TNKS: variants seen among roughly 807,000 people sequenced by gnomAD.
TNKS encodes poly [ADP-ribose] polymerase tankyrase-1.
TNKS carries 72 observed loss-of-function variants against 135.8 expected under a neutral mutation model. That is an observed-to-expected ratio of 0.53 (90% CI 0.44 to 0.64). The LOEUF (loss-of-function observed/expected upper bound fraction) is 0.64. Among genes scored for constraint, TNKS ranks in the 30% least tolerant of loss-of-function variants. TNKS has a pLI of 0.00. For synonymous variants in TNKS, 849 were observed against 649.3 expected, an observed-to-expected ratio of 1.31 and a Z score of -4.68; for missense variants, 1,769 against 1,674.0, an observed-to-expected ratio of 1.06 and a Z score of -0.99.
chr8:9,652,904 C>G (rs1801197912), intron 3 of TNKS, among the ~76,000 whole-genome samples: 1 of 152,082 alleles, frequency 6.6e-6, no homozygotes, highest in Admixed American at 6.6e-5. Flanking sequence ...ATGATTTGGT[C>G]AAACTTACAT....
chr8:9,721,522 A>G (rs28469680), intron 12 of TNKS, among the ~76,000 whole-genome samples: 2,898 of 151,854 alleles, frequency 0.019, 47 homozygotes, highest in African/African-American at 0.052. Context: ...TGTGGATTAT[A>G]TCTGCTATGG....
chr8:9,634,536 T>C (rs1462402620), intron 3 of TNKS, among the ~76,000 whole-genome samples: 1 of 152,250 alleles, frequency 6.6e-6, no homozygotes, highest in East Asian at 1.9e-4. Flanking sequence ...CTATTTTATG[T>C]ATGTTGTAGG....
intron 3 of TNKS, among the ~76,000 whole-genome samples, chr8:9,628,674 C>T (rs1003531024): frequency 4.6e-5 from 7 of 152,106 alleles, no homozygotes; most frequent in African/African-American, 1.7e-4. Context: ...TTTTAAATGG[C>T]ATCTATGTGC....
chr8:9,562,974 A>G (rs1291072937), intron 1 of TNKS, among the ~76,000 whole-genome samples: 1 of 152,120 alleles, frequency 6.6e-6, no homozygotes, highest in Non-Finnish European at 1.5e-5. Flanking sequence ...CTTTTATTTC[A>G]GAAAAGTTTC....
intron 26 of TNKS, among the ~76,000 whole-genome samples, chr8:9,772,607 C>G (rs1490247721): frequency 1.3e-5 from 2 of 151,880 alleles, no homozygotes; most frequent in African/African-American, 2.4e-5. Context: ...AGAGAAAGTA[C>G]ATTATTAGAT....
At chr8:9,681,440 A>G (rs1802777791) in intron 5 of TNKS, among the ~76,000 whole-genome samples, 1 of 152,174 alleles carries the variant, frequency 6.6e-6, no homozygotes, top group Non-Finnish European at 1.5e-5. Context: ...CTTGCTGAAG[A>G]TAGACTGAAA....
Position 9,751,769 on chromosome 8 carries a change from C to A in TNKS, c.2993C>A (p.Pro998His). 2.5e-6 allele frequency: 4 copies of A among 1,614,156 alleles called. No homozygotes were observed. The highest frequency in any genetic ancestry group is 3.4e-6 in the Non-Finnish European group (4 of 1,180,030). Residue 998 changes from proline (P) to histidine (H), a missense_variant, in exon 19 of 27, where the codon CCT (proline) becomes CAT (histidine). Physicochemically the swap from Pro to His is moderately conservative, Grantham distance 77. This residue lies in a region of TNKS where 722 missense variants were observed against 688.9 expected (regional missense o/e 1.05). Coordinates refer to ENST00000310430, the MANE Select transcript of TNKS (RefSeq NM_003747.3). ...AGCAGCATAGACAACCTCACTGGCC[C>A]TTTAGCAGAGTTGGCCGTAGGAGGA... ...AASSIDNLTG[P>H]LAELAVGGAS...
At chr8:9,744,999 G>C (rs1806161828) in intron 17 of TNKS, among the ~76,000 whole-genome samples, 1 of 152,190 alleles carries the variant, frequency 6.6e-6, no homozygotes, top group Non-Finnish European at 1.5e-5. Context: ...GGAAGCCTGT[G>C]TAAATTAGTC....
chr8:9,675,426 C>T (rs1802493025), intron 3 of TNKS, among the ~76,000 whole-genome samples: 1 of 152,182 alleles, frequency 6.6e-6, no homozygotes, highest in Admixed American at 6.5e-5. Context: ...GAAGTCTTTA[C>T]ATACTTCTTC....
chr8:9,772,059 G>A, intron 26 of TNKS, among the ~76,000 whole-genome samples: 1 of 132,442 alleles, frequency 7.6e-6, no homozygotes. Flanking sequence ...GGTAGGGAGG[G>A]ATGGAGGGGG....
intron 14 of TNKS, among the ~76,000 whole-genome samples, chr8:9,732,579 T>TAAA (rs35951542): frequency 7.7e-6 from 1 of 129,832 alleles, no homozygotes. Context: ...ATCCCAAAAC[T>TAAA]AAAAAAAAAA....
chr8:9,664,498 A>G (rs569284170), intron 3 of TNKS, among the ~76,000 whole-genome samples: 11 of 152,350 alleles, frequency 7.2e-5, no homozygotes, highest in African/African-American at 2.6e-4. Flanking sequence ...TTTGGAAGGC[A>G]CAAACATTCA....
At chr8:9,722,667 A>G (rs1804950542) in intron 12 of TNKS, among the ~76,000 whole-genome samples, 1 of 152,156 alleles carries the variant, frequency 6.6e-6, no homozygotes, top group South Asian at 2.1e-4. Flanking sequence ...CTCTCAGTAA[A>G]TTCTAATGAT....
intron 5 of TNKS, among the ~76,000 whole-genome samples, chr8:9,696,527 A>T (rs1184686842): frequency 6.6e-6 from 1 of 152,154 alleles, no homozygotes; most frequent in Non-Finnish European, 1.5e-5. Context: ...TGACACTATG[A>T]TTTTATTCTA....
At chr8:9,735,333 C>G (rs1323340041) in intron 16 of TNKS, 44 bp from the exon 17 acceptor site, 1 of 1,544,534 alleles carries the variant, frequency 6.5e-7, no homozygotes, top group South Asian at 1.1e-5. Flanking sequence ...TATTTTTTTT[C>G]CTTTAAGCTG....
At chr8:9,755,383 A>G (rs1483196128) in intron 20 of TNKS, among the ~76,000 whole-genome samples, 3 of 152,098 alleles carry the variant, frequency 2.0e-5, no homozygotes, top group Non-Finnish European at 4.4e-5. Context: ...ATAGCCTTTT[A>G]TTGATCAATA....
intron 2 of TNKS, among the ~76,000 whole-genome samples, chr8:9,599,568 A>G (rs1798932207): frequency 6.6e-6 from 1 of 152,218 alleles, no homozygotes; most frequent in Non-Finnish European, 1.5e-5. Context: ...AGGTAGAAAG[A>G]GAGATACTTT....
At chr8:9,620,713 C>G (rs1342602995) in intron 3 of TNKS, among the ~76,000 whole-genome samples, 2 of 152,204 alleles carry the variant, frequency 1.3e-5, no homozygotes, top group Non-Finnish European at 2.9e-5. Context: ...TTTACTGAAA[C>G]TGGAACACTT....
At chr8:9,728,833 A>G (rs1805282197) in intron 13 of TNKS, among the ~76,000 whole-genome samples, 1 of 152,156 alleles carries the variant, frequency 6.6e-6, no homozygotes, top group African/African-American at 2.4e-5. Context: ...ACTCGCCTTT[A>G]CTGCCCAGAC....
Sources: gnomAD v4.1 joint callset for allele counts (sites outside exome capture counted in the v4.1 genomes callset) on GRCh38, gnomAD v4.1.1 for gene constraint, gnomAD v4.1.1 regional missense constraint, MANE v1.5 for transcripts, NCBI Gene and HGNC (gene_info 2026-07-23, HGNC 2026-07-21) for gene names.